Variants in CABLES2 observed in about 807,000 individuals in gnomAD.
CABLES2 encodes the protein Cdk5 and Abl enzyme substrate 2.
CABLES2 carries 35 observed loss-of-function variants against 44.8 expected under a neutral mutation model. The ratio of observed to expected loss-of-function variants is 0.78; its 90% CI spans 0.60 to 1.04. The LOEUF is 1.04. Ranked by LOEUF, CABLES2 falls within the 50% of genes least tolerant of loss-of-function variation. CABLES2 has a pLI of 0.00. For missense variants in CABLES2, 566 were observed against 615.7 expected, an observed-to-expected ratio of 0.92 and a Z score of 0.85; for synonymous variants, 282 against 281.1, an observed-to-expected ratio of 1.00 and a Z score of -0.03.
Position 62,407,173 on chromosome 20 carries a change from G to T in CABLES2, c.104C>A (p.Ala35Glu). The change falls in exon 1 of 10, where the codon GCG (alanine) becomes GAG (glutamate). Residue 35 changes from alanine to glutamate, a missense_variant. This residue lies in a region of CABLES2 where 130 missense variants were observed against 79.4 expected (regional missense o/e 1.64). Transcript: ENST00000279101. ...PTSAARAPPQ[A>E]LRRRGDSRRR... The stretch of plus-strand genomic sequence containing the variant: ...CCGCGAGTCCCCGCGCCTCCGCAGC[G>T]CCTGCGGCGGGGCCCGAGCGGCCGA... The T allele has an allele frequency of 1.0e-6, 1 of 998,018 alleles. No homozygotes were observed. 61.8% of individuals were successfully genotyped at this position (998,018 alleles called of 1,614,324 possible). A position where few individuals can be genotyped will look rare whatever the true frequency, so the allele number is the denominator to read the frequency against.
chr20:62,406,980 CGCGGGGGTCCTG>C lies in CABLES2; in HGVS notation c.285_296del (p.Arg96_Ala99del). On this transcript the variant is annotated inframe_deletion, in exon 1 of 10. Coordinates refer to ENST00000279101, the MANE Select transcript of CABLES2 (RefSeq NM_031215.3). ...GCGTGGGGCTGAGCAGGCCCTGGGG[CGCGGGGGTCCTG>C]GCGGGCAGCCCGGTGGGGGGCTCCG... 5 of 1,204,968 alleles carry C rather than the reference CGCGGGGGTCCTG, an allele frequency of 4.1e-6. No individual in the cohort carries two copies. Among genetic ancestry groups the C allele is most frequent in the Non-Finnish European group, 5.2e-6 (5 of 970,576 alleles). 74.6% of individuals were successfully genotyped at this position (1,204,968 alleles called of 1,614,324 possible). A position where few individuals can be genotyped will look rare whatever the true frequency, so the allele number is the denominator to read the frequency against.
intron 1 of CABLES2, among the ~76,000 whole-genome samples, chr20:62,398,109 G>GTGGTGGTGGTGGTGA (rs1988091450): frequency 2.4e-4 from 25 of 104,900 alleles, no homozygotes; most frequent in East Asian, 1.4e-3. Context: ...GGTGGTGATG[G>GTGGTGGTGGTGGTGA]TGGTGGTGGT....
At chr20:62,404,425 C>T (rs75676006) in intron 1 of CABLES2, 3,367 of 152,510 alleles carry the variant, frequency 0.022, 125 homozygotes, top group African/African-American at 0.077. Flanking sequence ...CCACCACACT[C>T]ACAAGACCAA....
chr20:62,390,926 C>T lies in CABLES2; in HGVS notation c.*45G>A. ...GGGCTTCAGTGGGACACCTCCCAGG[C>T]CGGCAAGTGCACCTCGGTGCCCTGA... is the stretch of plus-strand genomic sequence containing the variant. On this transcript the variant is annotated 3_prime_UTR_variant, in exon 10 of 10. Transcript: ENST00000279101. 1.2e-6 allele frequency: 2 copies of T among 1,603,936 alleles called. No individual in the cohort carries two copies. The highest frequency in any genetic ancestry group is 1.7e-6 in the Non-Finnish European group (2 of 1,171,994).
At chr20:62,392,100 G>A (rs948623702) in intron 8 of CABLES2, among the ~76,000 whole-genome samples, 6 of 151,970 alleles carry the variant, frequency 3.9e-5, no homozygotes, top group Non-Finnish European at 8.8e-5. Context: ...CACAACAGAG[G>A]CCTTGTCCCA....
At chr20:62,392,573 C>T (rs1357081188) in intron 7 of CABLES2, 78 bp from the exon 8 acceptor site, 4 of 1,059,738 alleles carry the variant, frequency 3.8e-6, no homozygotes, top group African/African-American at 1.6e-5. Context: ...CGATGGATTT[C>T]TCACTGTCCT....
chr20:62,390,820 A>T lies in CABLES2; in HGVS notation c.*151T>A. 1 of 826,350 alleles carries T rather than the reference A, an allele frequency of 1.2e-6. No individual in the cohort carries two copies. The highest frequency in any genetic ancestry group is 1.9e-6 in the Non-Finnish European group (1 of 530,424). 51.2% of individuals were successfully genotyped at this position (826,350 alleles called of 1,614,324 possible). On this transcript the variant is annotated 3_prime_UTR_variant, in exon 10 of 10. Transcript: ENST00000279101. ...GTCTCTTTCCAAGGAAATGGCAAAGAGGCAAAAAGGAAAGCTGCACCAGCG... is the reference window on the plus strand; with the variant it reads ...GTCTCTTTCCAAGGAAATGGCAAAGTGGCAAAAAGGAAAGCTGCACCAGCG...
Position 62,393,620 on chromosome 20 carries a change from G to A in CABLES2, c.715-15C>T. ...TAAGACACGACCTGGAAAAGCAAAT[G>A]CATCTGGCCTCAGCTCTGCCTCCCG... On this transcript the variant is annotated splice_polypyrimidine_tract_variant and intron_variant, in intron 5 of 9. Transcript: ENST00000279101. 2 of 1,562,904 alleles carry A rather than the reference G, an allele frequency of 1.3e-6. No homozygotes were observed. The highest frequency in any genetic ancestry group is 1.7e-6 in the Non-Finnish European group (2 of 1,150,094).
chr20:62,406,067 A>AG, intron 1 of CABLES2: 1 of 154,068 alleles, frequency 6.5e-6, no homozygotes, highest in Non-Finnish European at 1.5e-5. Context: ...GAATCAAGGC[A>AG]GGGGGAGCAG....
Position 62,392,920 on chromosome 20 carries a change from C to T in CABLES2, c.984G>A (p.Met328Ile). 1 of 1,613,522 alleles carries T rather than the reference C, an allele frequency of 6.2e-7. No homozygotes were observed. Among genetic ancestry groups the T allele is most frequent in the Non-Finnish European group, 8.5e-7 (1 of 1,179,666 alleles). Residue 328 changes from methionine to isoleucine, a missense_variant and splice_region_variant, in exon 7 of 10, where the codon ATG becomes ATA. Physicochemically the swap from Met to Ile is conservative, Grantham distance 10. This residue lies in a region of CABLES2 where 436 missense variants were observed against 536.3 expected (regional missense o/e 0.81). Transcript: ENST00000279101. ...CCAGGCCCTGGGAGAGGGCACTCAC[C>T]ATGTACGACGCAAAGATGAGGACAC... is the stretch of plus-strand genomic sequence containing the variant. ...HKRVLIFASY[M>I]TTVIEYVKPS...
rs1169956607 is a variant in CABLES2 at position 62,398,106 on chromosome 20, A to ATGG, written c.363-1517_363-1515dup. Among the ~76,000 whole-genome samples, 5 of 48,824 alleles carry ATGG rather than the reference A, an allele frequency of 1.0e-4. No individual in the cohort carries two copies. The East Asian group carries it at 4.6e-3, about 45-fold the overall frequency. 32.0% of individuals were successfully genotyped at this position (48,824 alleles called of 152,430 possible). A position where few individuals can be genotyped will look rare whatever the true frequency, so the allele number is the denominator to read the frequency against. On this transcript the variant is annotated intron_variant, in intron 1 of 9. Transcript: ENST00000279101. ...GGTGGTGACGGTGGTGGTGGTGGTG[A>ATGG]TGGTGGTGGTGGTGGTGGTTATGAC...
chr20:62,397,944 G>GTGGTGGTGGTGA (rs1569017187), intron 1 of CABLES2, among the ~76,000 whole-genome samples: 7 of 24,656 alleles, frequency 2.8e-4, no homozygotes, highest in East Asian at 1.1e-3. Flanking sequence ...GGTGATGGTG[G>GTGGTGGTGGTGA]TGACGGTAGT....
At position 62,390,049 on chromosome 20, in the gene CABLES2, T is replaced by C. The variant is rs565518477; in HGVS notation, c.*922A>G. On this transcript the variant is annotated 3_prime_UTR_variant, in exon 10 of 10. Transcript: ENST00000279101. The stretch of plus-strand genomic sequence containing the variant: ...CAGCAGACCTCATTTAACCATTTTT[T>C]GTTCCCTTAAAAAAAAAAGACCCAA... 1 of 152,220 alleles carries C rather than the reference T, an allele frequency of 6.6e-6. No homozygotes were observed. The highest frequency in any genetic ancestry group is 1.5e-5 in the Non-Finnish European group (1 of 68,006). 9.4% of individuals were successfully genotyped at this position (152,220 alleles called of 1,614,324 possible).
In CABLES2 at chr20:62,398,083, TGGTGAC is replaced by T. The variant is rs1489190953; in HGVS notation, c.363-1497_363-1492del. Among the ~76,000 whole-genome samples, 221 of 68,754 alleles carry T rather than the reference TGGTGAC, an allele frequency of 3.2e-3. 5 individuals carry two copies. Among genetic ancestry groups the T allele is most frequent in the African/African-American group, 0.014 (152 of 11,138 alleles). 45.1% of individuals were successfully genotyped at this position (68,754 alleles called of 152,430 possible). A position where few individuals can be genotyped will look rare whatever the true frequency, so the allele number is the denominator to read the frequency against. On this transcript the variant is annotated intron_variant, in intron 1 of 9. Coordinates refer to ENST00000279101, the MANE Select transcript of CABLES2 (RefSeq NM_031215.3). The stretch of plus-strand genomic sequence containing the variant: ...ATGGTGGTGGTGACGGTGGTGGTGG[TGGTGAC>T]GGTGGTGGTGGTGGTGATGGTGGTG...
rs761324566 is a variant in CABLES2, at chr20:62,392,432, C to T, written c.1048G>A (p.Glu350Lys). The T allele has an allele frequency of 6.2e-7, 1 of 1,614,056 alleles. No homozygotes were observed. Among genetic ancestry groups the T allele is most frequent in the South Asian group, 1.1e-5 (1 of 91,082 alleles). Residue 350 changes from glutamate (E) to lysine (K), a missense_variant, in exon 8 of 10, where the codon GAG (glutamate) becomes AAG (lysine). Glu to Lys is a moderately conservative substitution (Grantham distance 56). Around this residue, in one of 2 missense-constraint regions of CABLES2, gnomAD observed 436 missense variants for 536.3 expected, o/e 0.81. Transcript: ENST00000279101. ...GTCAGTTTGACATGGGGGAACTTCT[C>T]CCTGAAGGTCTCGTTCATGTCCTTT... ...LKKDMNETFR[E>K]KFPHVKLTLS...
chr20:62,390,650 G>A lies in CABLES2; in HGVS notation c.*321C>T, dbSNP rs1601470466. The A allele has an allele frequency of 2.7e-6, 1 of 368,262 alleles. No homozygotes were observed. The highest frequency in any genetic ancestry group is 5.2e-5 in the East Asian group (1 of 19,322). 22.8% of individuals were successfully genotyped at this position (368,262 alleles called of 1,614,324 possible). A position where few individuals can be genotyped will look rare whatever the true frequency, so the allele number is the denominator to read the frequency against. ...TGCAGCCGGCTCGCTGCTGCACGCTGTGAACAAAAGGTCCTGGTACCAGGC... is the reference window on the plus strand; with the variant it reads ...TGCAGCCGGCTCGCTGCTGCACGCTATGAACAAAAGGTCCTGGTACCAGGC... On this transcript the variant is annotated 3_prime_UTR_variant, in exon 10 of 10. Transcript: ENST00000279101.
rs934434058 is a variant in CABLES2 at position 62,390,637 on chromosome 20, G to A, written c.*334C>T. 4.0e-5 allele frequency: 12 copies of A among 302,458 alleles called. No individual in the cohort carries two copies. The highest frequency in any genetic ancestry group is 8.4e-5 in the African/African-American group (4 of 47,540). 18.7% of individuals were successfully genotyped at this position (302,458 alleles called of 1,614,324 possible). On this transcript the variant is annotated 3_prime_UTR_variant, in exon 10 of 10. Transcript: ENST00000279101. ...AGGGGAGACACACTGCAGCCGGCTC[G>A]CTGCTGCACGCTGTGAACAAAAGGT... is the stretch of plus-strand genomic sequence containing the variant.
intron 1 of CABLES2, among the ~76,000 whole-genome samples, chr20:62,406,260 C>T (rs1225325066): frequency 1.3e-5 from 2 of 151,964 alleles, no homozygotes; most frequent in African/African-American, 2.4e-5. Context: ...AGGAGGACCC[C>T]GGCCCACATG....
At chr20:62,397,879 T>TGGTGGTGGTGATGGC (rs1275451217) in intron 1 of CABLES2, among the ~76,000 whole-genome samples, 11 of 151,504 alleles carry the variant, frequency 7.3e-5, no homozygotes, top group Non-Finnish European at 1.6e-4. Flanking sequence ...AGGGAGCAGT[T>TGGTGGTGGTGATGGC]GGTGGTGGTG....
Sources: gnomAD v4.1 joint callset for allele counts (sites outside exome capture counted in the v4.1 genomes callset) on GRCh38, gnomAD v4.1.1 for gene constraint, gnomAD v4.1.1 regional missense constraint, MANE v1.5 for transcripts, NCBI Gene and HGNC (gene_info 2026-07-23, HGNC 2026-07-21) for gene names.